RELCH: variants seen among roughly 807,000 people sequenced by gnomAD.
The protein encoded by RELCH is RAB11 binding and LisH domain, coiled-coil and HEAT repeat containing.
RELCH carries 41 observed loss-of-function variants against 150.3 expected under a neutral mutation model. The observed-to-expected ratio is 0.27, with a 90% CI of 0.21 to 0.35. The LOEUF (loss-of-function observed/expected upper bound fraction) is 0.35, where lower values mean the gene tolerates loss of function less well. Ranked by LOEUF, RELCH falls within the 10% of genes least tolerant of loss-of-function variation. RELCH has a pLI of 1.00. For missense variants in RELCH, 1,092 were observed against 1,467.8 expected (o/e 0.74, Z 4.18); for synonymous variants, 478 against 531.8 (o/e 0.90, Z 1.39).
chr18:62,282,734 T>G (rs950094378), intron 25 of RELCH, among the ~76,000 whole-genome samples: 2 of 152,186 alleles, frequency 1.3e-5, no homozygotes, highest in African/African-American at 4.8e-5. Flanking sequence ...CTCAGCTCAC[T>G]GCAACCTCTG....
At chr18:62,248,927 C>T (rs149465173) in intron 11 of RELCH, among the ~76,000 whole-genome samples, 36 of 152,210 alleles carry the variant, frequency 2.4e-4, no homozygotes, top group African/African-American at 7.2e-4. Context: ...TACCTCAAAT[C>T]ATAAAACATT....
At chr18:62,221,341 G>A in intron 4 of RELCH, 43 bp from the exon 5 acceptor site, 2 of 1,532,160 alleles carry the variant, frequency 1.3e-6, no homozygotes, top group Non-Finnish European at 1.8e-6. Flanking sequence ...TATTGAAGGA[G>A]GAATACTTAT....
intron 1 of RELCH, among the ~76,000 whole-genome samples, chr18:62,204,204 T>C (rs1411380483): frequency 6.6e-6 from 1 of 152,178 alleles, no homozygotes; most frequent in African/African-American, 2.4e-5. Context: ...ACTTTTTTAA[T>C]AATTCGAAGG....
chr18:62,269,351 A>G, intron 20 of RELCH: 1 of 401,236 alleles, frequency 2.5e-6, no homozygotes, highest in East Asian at 7.2e-5. Context: ...CAGGTTGAGT[A>G]TCCCTTATCT....
intron 28 of RELCH, among the ~76,000 whole-genome samples, chr18:62,301,391 T>G (rs1478659462): frequency 6.6e-6 from 1 of 152,228 alleles, no homozygotes; most frequent in East Asian, 1.9e-4. Flanking sequence ...TTGGAGACCA[T>G]ACAATCTCTG....
chr18:62,242,182 T>C (rs1430179530), intron 10 of RELCH, among the ~76,000 whole-genome samples: 1 of 152,172 alleles, frequency 6.6e-6, no homozygotes, highest in African/African-American at 2.4e-5. Flanking sequence ...TGGCATGGAA[T>C]AGCAACCAAA....
chr18:62,229,094 G>T (rs1199358638), intron 8 of RELCH, among the ~76,000 whole-genome samples: 1 of 151,990 alleles, frequency 6.6e-6, no homozygotes, highest in African/African-American at 2.4e-5. Flanking sequence ...ACTCGCAGAT[G>T]ACAAAAACCA....
chr18:62,261,265 A>T (rs1476483669), intron 15 of RELCH, among the ~76,000 whole-genome samples: 4 of 151,958 alleles, frequency 2.6e-5, no homozygotes, highest in Non-Finnish European at 5.9e-5. Context: ...AAAAGATAAG[A>T]CCTTCTCTAA....
chr18:62,271,157 G>A (rs920922119), intron 20 of RELCH, among the ~76,000 whole-genome samples: 2 of 152,180 alleles, frequency 1.3e-5, no homozygotes, highest in Non-Finnish European at 2.9e-5. Flanking sequence ...GATCCTTGAG[G>A]AATTGCCACA....
intron 1 of RELCH, among the ~76,000 whole-genome samples, 167 bp from the exon 2 acceptor site, chr18:62,210,986 T>C (rs1284099995): frequency 2.6e-5 from 4 of 152,208 alleles, no homozygotes; most frequent in African/African-American, 9.7e-5. Flanking sequence ...TTAAAGTAAC[T>C]TGATTGCTGT....
intron 1 of RELCH, 66 bp from the exon 2 acceptor site, chr18:62,211,087 A>G (rs1379969610): frequency 1.2e-6 from 1 of 804,226 alleles, no homozygotes. Context: ...AATCATAAGT[A>G]TTTGAATTCC....
At chr18:62,222,737 A>G (rs950001204) in intron 5 of RELCH, among the ~76,000 whole-genome samples, 1 of 152,028 alleles carries the variant, frequency 6.6e-6, no homozygotes, top group African/African-American at 2.4e-5. Context: ...TTACAATTTT[A>G]TAAAAATGCT....
chr18:62,242,047 C>G (rs1475648206), intron 10 of RELCH, among the ~76,000 whole-genome samples: 1 of 152,144 alleles, frequency 6.6e-6, no homozygotes, highest in Non-Finnish European at 1.5e-5. Context: ...CTGCATTTTT[C>G]TTCCTCACTT....
chr18:62,222,329 A>T (rs1293841214), intron 5 of RELCH, among the ~76,000 whole-genome samples: 1 of 152,004 alleles, frequency 6.6e-6, no homozygotes, highest in African/African-American at 2.4e-5. Flanking sequence ...AACATGTGCT[A>T]TGTAAGAGAC....
intron 1 of RELCH, among the ~76,000 whole-genome samples, chr18:62,210,034 A>G (rs2040060517): frequency 6.6e-6 from 1 of 152,176 alleles, no homozygotes; most frequent in South Asian, 2.1e-4. Context: ...TATATATAAC[A>G]TCATGTCATC....
At chr18:62,269,136 CAAAT>C (rs1452394048) in intron 20 of RELCH, among the ~76,000 whole-genome samples, 188 bp downstream of exon 20, 1 of 152,012 alleles carries the variant, frequency 6.6e-6, no homozygotes, top group Non-Finnish European at 1.5e-5. Flanking sequence ...CTCAGTTGAA[CAAAT>C]AAATTTAGAG....
rs573624300 is a variant in RELCH, at chr18:62,253,973, GCAAGCTT to G, written c.1824+1222_1824+1228del. On this transcript the variant is annotated intron_variant, in intron 12 of 28. Coordinates refer to ENST00000644646, the MANE Select transcript of RELCH (RefSeq NM_001346231.2). Reference sequence around the variant, plus strand: ...TACAATTTAATGGTTTCAGTGTTGTGCAAGCTTCACTACAATCAGTTTTTAAACATTT... The same window carrying G: ...TACAATTTAATGGTTTCAGTGTTGTGCACTACAATCAGTTTTTAAACATTT... Among the ~76,000 whole-genome samples, 13 of 151,840 alleles carry G rather than the reference GCAAGCTT, an allele frequency of 8.6e-5. 1 individual carries two copies. The South Asian group carries it at 2.5e-3, about 29-fold the overall frequency.
At chr18:62,192,757 A>G (rs2038742304) in intron 1 of RELCH, among the ~76,000 whole-genome samples, 1 of 152,118 alleles carries the variant, frequency 6.6e-6, no homozygotes, top group African/African-American at 2.4e-5. Context: ...CTGTTTTTGT[A>G]CCAGTACCAT....
intron 11 of RELCH, among the ~76,000 whole-genome samples, chr18:62,250,206 A>C (rs2042628406): frequency 6.6e-6 from 1 of 152,150 alleles, no homozygotes; most frequent in South Asian, 2.1e-4. Flanking sequence ...TAAAATTTTC[A>C]ATATTAACTC....
Sources: allele counts gnomAD v4.1 joint callset (sites outside exome capture counted in the v4.1 genomes callset), GRCh38; gene constraint gnomAD v4.1.1; transcripts MANE v1.5; gene names NCBI Gene and HGNC (gene_info 2026-07-23, HGNC 2026-07-21).